The following NT5C2 variants were observed in gnomAD, a reference collection of about 807,000 sequenced individuals.
NT5C2 encodes the protein cytosolic purine 5'-nucleotidase.
Under a neutral mutation model 76.1 loss-of-function variants are expected in NT5C2, and 58 were observed. That is an observed-to-expected ratio of 0.76 (90% CI 0.62 to 0.95). The LOEUF (loss-of-function observed/expected upper bound fraction) is 0.95. NT5C2 is among the 40% of genes least tolerant of loss of function. The pLI is 0.00. For missense variants in NT5C2, 478 were observed against 690.3 expected (o/e 0.69, Z 3.45); for synonymous variants, 229 against 237.4 (o/e 0.96, Z 0.32).
At chr10:103,176,871 T>C (rs968830764) in intron 2 of NT5C2, among the ~76,000 whole-genome samples, 7 of 152,202 alleles carry the variant, frequency 4.6e-5, no homozygotes, top group Admixed American at 4.6e-4. Flanking sequence ...CAAATGTGTC[T>C]CTTTTTTTGA....
At chr10:103,105,581 G>T in intron 6 of NT5C2, 125 bp downstream of exon 6, 1 of 666,954 alleles carries the variant, frequency 1.5e-6, no homozygotes, top group Non-Finnish European at 2.5e-6. Context: ...CTAACCTTAT[G>T]TAAGGGAATT....
At chr10:103,187,551 T>TA (rs769511019) in intron 1 of NT5C2, among the ~76,000 whole-genome samples, 5,039 of 85,484 alleles carry the variant, frequency 0.059, 143 homozygotes, top group South Asian at 0.16. Flanking sequence ...GAATCCATCT[T>TA]AAAAAAAAAA....
chr10:103,144,782 AG>A (rs1450211389), intron 3 of NT5C2, among the ~76,000 whole-genome samples: 16 of 152,220 alleles, frequency 1.1e-4, no homozygotes, highest in African/African-American at 3.6e-4. Flanking sequence ...TTTAGGGAGC[AG>A]AAAGAGCTAG....
At chr10:103,098,831 C>T in intron 10 of NT5C2, 100 bp downstream of exon 10, 1 of 841,174 alleles carries the variant, frequency 1.2e-6, no homozygotes, top group Non-Finnish European at 1.9e-6. Context: ...CAAGACAAAT[C>T]TCTTCTTTTG....
chr10:103,110,128 T>C (rs2072566248), intron 4 of NT5C2, among the ~76,000 whole-genome samples: 1 of 152,164 alleles, frequency 6.6e-6, no homozygotes, highest in Non-Finnish European at 1.5e-5. Flanking sequence ...TTAGGTCTCT[T>C]TGAGTCTCCA....
chr10:103,161,813 T>A (rs899317590), intron 3 of NT5C2, among the ~76,000 whole-genome samples: 16 of 152,252 alleles, frequency 1.1e-4, no homozygotes, highest in African/African-American at 3.9e-4. Context: ...TTCATTTATA[T>A]GAAATATCCA....
intron 4 of NT5C2, among the ~76,000 whole-genome samples, chr10:103,128,055 C>CCCTCT (rs1195510341): frequency 2.9e-5 from 2 of 68,526 alleles, no homozygotes; most frequent in Non-Finnish European, 6.7e-5. Context: ...CTCTCCCTCT[C>CCCTCT]CCTCTCCCTC....
intron 4 of NT5C2, among the ~76,000 whole-genome samples, chr10:103,130,425 C>G (rs1274205999): frequency 4.0e-5 from 6 of 150,588 alleles, no homozygotes; most frequent in African/African-American, 1.5e-4. Flanking sequence ...TGCGGAAGGC[C>G]GCAGGGTCCT....
At chr10:103,142,399 A>G (rs981318518) in intron 3 of NT5C2, among the ~76,000 whole-genome samples, 2 of 152,194 alleles carry the variant, frequency 1.3e-5, no homozygotes, top group Non-Finnish European at 2.9e-5. Flanking sequence ...AATAAAGGCC[A>G]GGTGTAGTAG....
chr10:103,170,524 C>CA (rs2087669027), intron 3 of NT5C2, among the ~76,000 whole-genome samples: 1 of 138,862 alleles, frequency 7.2e-6, no homozygotes, highest in African/African-American at 2.6e-5. Context: ...CACACATGCA[C>CA]ACTTTTTTTT....
chr10:103,127,753 T>A (rs974190642), intron 4 of NT5C2, among the ~76,000 whole-genome samples: 1 of 152,212 alleles, frequency 6.6e-6, no homozygotes, highest in Non-Finnish European at 1.5e-5. Context: ...AGACGGGGTT[T>A]CACTGTGTTG....
chr10:103,138,955 C>A (rs1166609702), intron 4 of NT5C2, among the ~76,000 whole-genome samples: 4 of 151,296 alleles, frequency 2.6e-5, no homozygotes, highest in African/African-American at 7.3e-5. Context: ...TGCAGTGAGC[C>A]AAGATCGCGC....
intron 3 of NT5C2, among the ~76,000 whole-genome samples, chr10:103,170,377 C>A (rs77264246): frequency 0.012 from 1,783 of 152,082 alleles, 33 homozygotes; most frequent in African/African-American, 0.04. Context: ...AATGTTTTTT[C>A]TATTGTTTCC....
intron 3 of NT5C2, among the ~76,000 whole-genome samples, chr10:103,162,986 T>C (rs1470306356): frequency 2.0e-5 from 3 of 152,174 alleles, no homozygotes; most frequent in African/African-American, 7.2e-5. Context: ...AACCCACTAA[T>C]GTGTTCTCCC....
intron 4 of NT5C2, among the ~76,000 whole-genome samples, chr10:103,117,723 G>A (rs1403865863): frequency 6.6e-6 from 1 of 152,122 alleles, no homozygotes; most frequent in Admixed American, 6.5e-5. Flanking sequence ...TTCTAGTATT[G>A]CAACCACTAC....
At chr10:103,150,021 A>G (rs1452706256) in intron 3 of NT5C2, among the ~76,000 whole-genome samples, 1 of 152,122 alleles carries the variant, frequency 6.6e-6, no homozygotes, top group African/African-American at 2.4e-5. Flanking sequence ...ATTTTAAATC[A>G]GCAGGATGAG....
At chr10:103,145,193 G>A (rs2081263357) in intron 3 of NT5C2, among the ~76,000 whole-genome samples, 1 of 152,120 alleles carries the variant, frequency 6.6e-6, no homozygotes, top group Admixed American at 6.6e-5. Flanking sequence ...AGTTTACAAA[G>A]ATAATAAACA....
At chr10:103,114,071 G>A (rs553471429) in intron 4 of NT5C2, among the ~76,000 whole-genome samples, 2 of 152,330 alleles carry the variant, frequency 1.3e-5, no homozygotes, top group Non-Finnish European at 2.9e-5. Flanking sequence ...TCCCAATTGC[G>A]TGATAACAGC....
chr10:103,101,019 A>G lies in NT5C2; in HGVS notation c.539+26T>C, dbSNP rs7915032. On this transcript the variant is annotated intron_variant, in intron 8 of 18. Transcript: ENST00000404739. ...GCATTAATTTTAAAAATCAATTGGA[A>G]AAAAATAATTATAGTATATACATAC... 17 of 1,278,694 alleles carry G rather than the reference A, an allele frequency of 1.3e-5. No homozygotes were observed. The African/African-American group carries it at 2.1e-4, about 16-fold the overall frequency. The allele number at this position is 1,278,694 out of a possible 1,614,324, so 79.2% of individuals were successfully genotyped here. A position where few individuals can be genotyped will look rare whatever the true frequency, so the allele number is the denominator to read the frequency against.
Sources: gnomAD v4.1 joint callset for allele counts (sites outside exome capture counted in the v4.1 genomes callset) on GRCh38, gnomAD v4.1.1 for gene constraint, MANE v1.5 for transcripts, NCBI Gene and HGNC (gene_info 2026-07-23, HGNC 2026-07-21) for gene names.